The following CSMD2 variants were observed in gnomAD, a reference collection of about 807,000 sequenced individuals.
CSMD2 encodes CUB and Sushi multiple domains 2, also known as CUB and sushi domain-containing protein 2.
In CSMD2, 130 loss-of-function variants were observed where a neutral mutation model predicts 398.5. The observed-to-expected ratio is 0.33, with a 90% CI of 0.28 to 0.38. The LOEUF is 0.38. CSMD2 is among the 10% of genes least tolerant of loss of function. The probability of loss-of-function intolerance (pLI) is 1.00; values close to 1 mark genes in which losing one functional copy is unlikely to be tolerated. For synonymous variants in CSMD2, 1,828 were observed against 1,908.5 expected (o/e 0.96, Z 1.10); for missense variants, 3,829 against 4,764.9 (o/e 0.80, Z 5.78).
chr1:33,864,542 C>T (rs1288205995), intron 5 of CSMD2: 3 of 1,614,086 alleles, frequency 1.9e-6, no homozygotes, highest in South Asian at 1.1e-5. Context: ...AGAACCCGAA[C>T]TGGTCGGTGG....
At chr1:34,032,967 C>T (rs1002126872) in intron 2 of CSMD2, among the ~76,000 whole-genome samples, 1 of 152,156 alleles carries the variant, frequency 6.6e-6, no homozygotes. Context: ...CTCTTTTCTC[C>T]TTTTCTGATT....
intron 13 of CSMD2, among the ~76,000 whole-genome samples, chr1:33,756,384 C>A (rs34232788): frequency 0.067 from 10,158 of 152,166 alleles, 407 homozygotes; most frequent in Admixed American, 0.11. Flanking sequence ...GATGGATAAG[C>A]AAGTCCTTAG....
rs546141714 is a variant in CSMD2 at position 33,726,760 on chromosome 1, A to G, written c.2369-75T>C. ...AAACAAACAGAAAATCTCTCTATAA[A>G]ATGTGTCAGGCAATAAGTATAGTTT... On this transcript the variant is annotated intron_variant, in intron 15 of 70. Coordinates refer to ENST00000373381, the MANE Select transcript of CSMD2 (RefSeq NM_001281956.2). 9.6e-6 allele frequency: 14 copies of G among 1,455,120 alleles called. No individual in the cohort carries two copies. In the South Asian group the frequency reaches 1.6e-4, roughly 16 times the overall value. The allele number at this position is 1,455,120 out of a possible 1,614,324, so 90.1% of individuals were successfully genotyped here.
chr1:34,122,840 G>C (rs1376794258), intron 1 of CSMD2, among the ~76,000 whole-genome samples: 1 of 152,220 alleles, frequency 6.6e-6, no homozygotes, highest in African/African-American at 2.4e-5. Flanking sequence ...AGGGAGGATA[G>C]CCTGATCCCC....
At chr1:34,080,970 G>GAAAGAAAGAAAGAAAGAAAGAAAGAA (rs1300374322) in intron 2 of CSMD2, among the ~76,000 whole-genome samples, 1 of 128,288 alleles carries the variant, frequency 7.8e-6, no homozygotes, top group East Asian at 2.1e-4. Flanking sequence ...AAGAAAGAAA[G>GAAAGAAAGAAAGAAAGAAAGAAAGAA]AAAGAAATGC....
intron 32 of CSMD2, among the ~76,000 whole-genome samples, chr1:33,627,788 C>T (rs1642219486): frequency 6.6e-6 from 1 of 152,240 alleles, no homozygotes; most frequent in South Asian, 2.1e-4. Flanking sequence ...TTTGATATCA[C>T]TGCCATCTCC....
At chr1:33,968,314 C>T (rs1436235534) in intron 3 of CSMD2, among the ~76,000 whole-genome samples, 1 of 152,180 alleles carries the variant, frequency 6.6e-6, no homozygotes. Context: ...TTCCAGGTGG[C>T]AGATGGCCCC....
intron 12 of CSMD2, among the ~76,000 whole-genome samples, chr1:33,785,014 C>A (rs187081940): frequency 6.6e-5 from 10 of 152,320 alleles, no homozygotes; most frequent in African/African-American, 2.2e-4. Context: ...GTGCACAGAA[C>A]CTGACGTAGT....
intron 53 of CSMD2, among the ~76,000 whole-genome samples, chr1:33,561,724 A>G (rs1456099381): frequency 6.6e-6 from 1 of 152,126 alleles, no homozygotes; most frequent in Admixed American, 6.5e-5. Flanking sequence ...AGGGTCCCAC[A>G]GGGAGTGGCA....
At chr1:34,116,211 C>T (rs1189633931) in intron 1 of CSMD2, among the ~76,000 whole-genome samples, 3 of 151,920 alleles carry the variant, frequency 2.0e-5, no homozygotes, top group East Asian at 1.9e-4. Flanking sequence ...ACAAGAGACT[C>T]GTTTTAGACA....
intron 5 of CSMD2, among the ~76,000 whole-genome samples, chr1:33,908,789 G>A (rs780081508): frequency 1.6e-4 from 24 of 152,220 alleles, no homozygotes; most frequent in Admixed American, 2.6e-4. Flanking sequence ...AGCATGCTAA[G>A]GCACTAATCT....
chr1:33,831,840 A>C (rs975954892), intron 6 of CSMD2, among the ~76,000 whole-genome samples: 2 of 151,612 alleles, frequency 1.3e-5, no homozygotes, highest in Non-Finnish European at 2.9e-5. Context: ...ATGGAAAACA[A>C]AAAAAGGCAG....
rs1653991470 is a variant in CSMD2, at chr1:33,518,833, T to C, written c.*53+632A>G. 6.6e-6 allele frequency among the ~76,000 whole-genome samples: 1 copy of C among 152,170 alleles called. No individual in the cohort carries two copies. Among genetic ancestry groups the C allele is most frequent in the Non-Finnish European group, 1.5e-5 (1 of 68,020 alleles). On this transcript the variant is annotated intron_variant, in intron 70 of 70. Transcript: ENST00000373381. This position sits in a 1 kb window ranked among gnomAD's most constrained non-coding sequence, Gnocchi z 4.3. ...CTCTCTCTAAATATATATTTATTTA[T>C]ATTTCTATCTCTATATAACATTTAC...
At chr1:33,921,480 G>C (rs1216098740) in intron 4 of CSMD2, among the ~76,000 whole-genome samples, 1 of 152,202 alleles carries the variant, frequency 6.6e-6, no homozygotes, top group African/African-American at 2.4e-5. Flanking sequence ...CAACAGTCCT[G>C]TCACTGGCCC....
At chr1:33,947,611 A>C (rs551532592) in intron 3 of CSMD2, among the ~76,000 whole-genome samples, 17 of 152,280 alleles carry the variant, frequency 1.1e-4, no homozygotes, top group Middle Eastern at 3.4e-3. Flanking sequence ...AGAGTTAGAC[A>C]GAGGGGCCCA....
Position 34,165,207 on chromosome 1 carries a change from G to T in CSMD2, c.-110C>A, listed in dbSNP as rs1641774465. 1.7e-6 allele frequency: 2 copies of T among 1,165,790 alleles called. No individual in the cohort carries two copies. Among genetic ancestry groups the T allele is most frequent in the African/African-American group, 1.6e-5 (1 of 61,882 alleles). 72.2% of individuals were successfully genotyped at this position (1,165,790 alleles called of 1,614,324 possible). On this transcript the variant is annotated 5_prime_UTR_variant, in exon 1 of 71. Transcript: ENST00000373381. Reference sequence around the variant, plus strand: ...TCGGAAAAAATCCCGGTACGCGGGAGCCCTGAGCTTCTGCGGCTGGAATGA... The same window carrying T: ...TCGGAAAAAATCCCGGTACGCGGGATCCCTGAGCTTCTGCGGCTGGAATGA...
In CSMD2 at chr1:33,537,128, G is replaced by A. The variant is rs565799274; in HGVS notation, c.9806-33C>T. On this transcript the variant is annotated intron_variant, in intron 61 of 70. Coordinates refer to ENST00000373381, the MANE Select transcript of CSMD2 (RefSeq NM_001281956.2). The surrounding 1 kb of genome is among the most constrained non-coding windows in gnomAD (Gnocchi z 4.6). Reference sequence around the variant, plus strand: ...GCCAAAACAAAGACACAGATCACATGGTCATGGAAGCCTTCACGGCCTCAT... The same window carrying A: ...GCCAAAACAAAGACACAGATCACATAGTCATGGAAGCCTTCACGGCCTCAT... 1.9e-6 allele frequency: 3 copies of A among 1,610,312 alleles called. No individual in the cohort carries two copies. The highest frequency in any genetic ancestry group is 1.7e-5 in the Admixed American group (1 of 60,010).
intron 25 of CSMD2, among the ~76,000 whole-genome samples, chr1:33,681,422 A>G (rs1002883087): frequency 1.3e-5 from 2 of 152,116 alleles, no homozygotes; most frequent in Non-Finnish European, 2.9e-5. Flanking sequence ...ATATTATACC[A>G]TTTTACTTCT....
intron 13 of CSMD2, among the ~76,000 whole-genome samples, chr1:33,744,875 C>G (rs1647220608): frequency 1.3e-5 from 2 of 152,084 alleles, no homozygotes; most frequent in Admixed American, 1.3e-4. Flanking sequence ...AATTGCAGAG[C>G]AAAACTGATA....
Sources: allele counts gnomAD v4.1 joint callset (sites outside exome capture counted in the v4.1 genomes callset), GRCh38; gene constraint gnomAD v4.1.1; non-coding constraint Gnocchi (gnomAD v3.1); transcripts MANE v1.5; gene names NCBI Gene and HGNC (gene_info 2026-07-23, HGNC 2026-07-21).